NBEA: variants seen among roughly 807,000 people sequenced by gnomAD.
The protein encoded by NBEA is lysosomal-trafficking regulator 2.
NBEA carries 44 observed loss-of-function variants against 343.4 expected under a neutral mutation model. That is an observed-to-expected ratio of 0.13 (90% confidence interval 0.10 to 0.16). The LOEUF (loss-of-function observed/expected upper bound fraction) is 0.16. Ranked by LOEUF, NBEA falls within the 10% of genes least tolerant of loss-of-function variation. The pLI is 1.00. For synonymous variants in NBEA, 1,175 were observed against 1,238.7 expected, an observed-to-expected ratio of 0.95 and a Z score of 1.08; for missense variants, 2,555 against 3,631.3, an observed-to-expected ratio of 0.70 and a Z score of 7.62.
At chr13:35,572,232 A>C (rs2080470508) in intron 45 of NBEA, among the ~76,000 whole-genome samples, 1 of 152,190 alleles carries the variant, frequency 6.6e-6, no homozygotes, top group African/African-American at 2.4e-5. Flanking sequence ...GGCTTCAGTT[A>C]TTTACATATA....
At chr13:34,980,020 G>T (rs1299674935) in intron 1 of NBEA, among the ~76,000 whole-genome samples, 1 of 152,146 alleles carries the variant, frequency 6.6e-6, no homozygotes, top group South Asian at 2.1e-4. Context: ...TGATGTGTAA[G>T]TATGAGTCTT....
At chr13:35,623,806 A>C (rs1015045404) in intron 48 of NBEA, among the ~76,000 whole-genome samples, 2 of 152,120 alleles carry the variant, frequency 1.3e-5, no homozygotes, top group African/African-American at 4.8e-5. Flanking sequence ...CTCAAAATTC[A>C]AGGCCCATAT....
At chr13:35,489,613 T>A (rs944225074) in intron 41 of NBEA, among the ~76,000 whole-genome samples, 5 of 151,906 alleles carry the variant, frequency 3.3e-5, no homozygotes, top group African/African-American at 1.2e-4. Context: ...ATTCGGTATT[T>A]GAAAGGCTGA....
chr13:35,238,996 C>T (rs1232445168), intron 34 of NBEA, among the ~76,000 whole-genome samples: 4 of 151,984 alleles, frequency 2.6e-5, no homozygotes, highest in Non-Finnish European at 5.9e-5. Flanking sequence ...ATCAGAAAAA[C>T]TTGCCGTATT....
At chr13:35,543,159 ATAAT>A (rs1440715118) in intron 41 of NBEA, among the ~76,000 whole-genome samples, 3 of 152,178 alleles carry the variant, frequency 2.0e-5, no homozygotes, top group Non-Finnish European at 4.4e-5. Context: ...ACTTTGAAAA[ATAAT>A]TAAGCATAAA....
At chr13:35,340,040 G>A (rs2039496973) in intron 36 of NBEA, among the ~76,000 whole-genome samples, 1 of 151,980 alleles carries the variant, frequency 6.6e-6, no homozygotes, top group East Asian at 1.9e-4. Context: ...ATTGTAAATT[G>A]GAGTAGTCAC....
At chr13:35,627,364 C>T (rs1239492049) in intron 48 of NBEA, among the ~76,000 whole-genome samples, 2 of 152,122 alleles carry the variant, frequency 1.3e-5, no homozygotes, top group East Asian at 1.9e-4. Flanking sequence ...ATTTCACGGA[C>T]CTGAGCAAGA....
At chr13:35,550,802 C>A in intron 42 of NBEA, 128 bp from the exon 43 acceptor site, 2 of 666,096 alleles carry the variant, frequency 3.0e-6, no homozygotes, top group Non-Finnish European at 5.1e-6. Context: ...ATACTGAAAG[C>A]TGATTTTTCA....
At chr13:35,369,698 T>G (rs2041321678) in intron 38 of NBEA, among the ~76,000 whole-genome samples, 2 of 151,956 alleles carry the variant, frequency 1.3e-5, no homozygotes, top group Non-Finnish European at 1.5e-5. Flanking sequence ...TTTATGTTGA[T>G]TTTATAGCCT....
intron 49 of NBEA, among the ~76,000 whole-genome samples, chr13:35,644,218 G>T (rs975303699): frequency 2.0e-5 from 3 of 152,134 alleles, no homozygotes; most frequent in African/African-American, 7.2e-5. Context: ...GTTCAGTGTC[G>T]AGAACTGACT....
chr13:35,552,836 T>C lies in NBEA; in HGVS notation c.6806+1804T>C, dbSNP rs148054298. Among the ~76,000 whole-genome samples, 132 of 152,274 alleles carry C rather than the reference T, an allele frequency of 8.7e-4. 1 individual carries two copies. The highest frequency in any genetic ancestry group is 2.9e-3 in the African/African-American group (122 of 41,554). ...CTTTTATTTTATTTCTTACCTATGATGAGTATTGTTTCCCTTTTAACCACA... is the reference window on the plus strand; with the variant it reads ...CTTTTATTTTATTTCTTACCTATGACGAGTATTGTTTCCCTTTTAACCACA... On this transcript the variant is annotated intron_variant, in intron 43 of 58. Transcript: ENST00000379939.
intron 45 of NBEA, among the ~76,000 whole-genome samples, chr13:35,578,492 A>G (rs1453182472): frequency 6.6e-6 from 1 of 152,204 alleles, no homozygotes; most frequent in African/African-American, 2.4e-5. Context: ...TTCCATATCT[A>G]TTGAAAAATA....
intron 1 of NBEA, among the ~76,000 whole-genome samples, chr13:35,004,361 T>C (rs754428449): frequency 6.6e-6 from 1 of 152,166 alleles, no homozygotes; most frequent in Non-Finnish European, 1.5e-5. Context: ...CACGGTGTTA[T>C]ATTGGATGCT....
intron 56 of NBEA, 83 bp from the exon 57 acceptor site, chr13:35,667,291 C>A: frequency 1.7e-6 from 2 of 1,177,844 alleles, no homozygotes; most frequent in Non-Finnish European, 2.5e-6. Flanking sequence ...AGCGCACACC[C>A]AGCAAGGTTT....
At chr13:35,380,314 G>A (rs1244911040) in intron 38 of NBEA, among the ~76,000 whole-genome samples, 1 of 151,924 alleles carries the variant, frequency 6.6e-6, no homozygotes, top group African/African-American at 2.4e-5. Context: ...GTGTGATGGT[G>A]GGCATCTGTG....
At chr13:35,141,911 A>C (rs2068113415) in intron 17 of NBEA, among the ~76,000 whole-genome samples, 1 of 152,224 alleles carries the variant, frequency 6.6e-6, no homozygotes, top group East Asian at 1.9e-4. Flanking sequence ...CATGATTTAA[A>C]AATTATGTGG....
At chr13:35,037,392 T>C (rs2062483781) in intron 1 of NBEA, among the ~76,000 whole-genome samples, 1 of 152,234 alleles carries the variant, frequency 6.6e-6, no homozygotes. Context: ...TCTCCAGGAT[T>C]GATTCTTGGT....
intron 38 of NBEA, among the ~76,000 whole-genome samples, chr13:35,429,028 G>T (rs1321163451): frequency 6.6e-6 from 1 of 152,124 alleles, no homozygotes; most frequent in Non-Finnish European, 1.5e-5. Flanking sequence ...TGGTGGGCTG[G>T]CCTCATTGCT....
At chr13:35,082,749 A>G (rs560514330) in intron 10 of NBEA, among the ~76,000 whole-genome samples, 2 of 152,088 alleles carry the variant, frequency 1.3e-5, no homozygotes, top group East Asian at 1.9e-4. Flanking sequence ...TACTTCTCCC[A>G]CTTTTTGATG....
Sources: allele counts gnomAD v4.1 joint callset (sites outside exome capture counted in the v4.1 genomes callset), GRCh38; gene constraint gnomAD v4.1.1; transcripts MANE v1.5; gene names NCBI Gene and HGNC (gene_info 2026-07-23, HGNC 2026-07-21).